Variants in DOP1A observed in about 807,000 individuals in gnomAD.
DOP1A encodes DOP1 leucine zipper like protein A, also known as protein DOP1A.
Under a neutral mutation model 267.6 loss-of-function variants are expected in DOP1A, and 90 were observed. The ratio of observed to expected loss-of-function variants is 0.34; its 90% CI spans 0.28 to 0.40. The LOEUF is 0.40. Among genes scored for constraint, DOP1A ranks in the 10% least tolerant of loss-of-function variants. DOP1A has a pLI of 1.00. For synonymous variants in DOP1A, 932 were observed against 999.1 expected, an observed-to-expected ratio of 0.93 and a Z score of 1.27; for missense variants, 2,437 against 2,900.4, an observed-to-expected ratio of 0.84 and a Z score of 3.67.
chr6:83,088,486 G>C (rs780666468), intron 1 of DOP1A, among the ~76,000 whole-genome samples: 1 of 145,370 alleles, frequency 6.9e-6, no homozygotes, highest in Non-Finnish European at 1.5e-5. Flanking sequence ...GCAGTGGCGC[G>C]ATCTCAGCTC....
chr6:83,168,382 A>T lies in DOP1A; in HGVS notation c.*215A>T, dbSNP rs1322553407. On this transcript the variant is annotated 3_prime_UTR_variant, in exon 39 of 39. Transcript: ENST00000349129. ...TCATACTGATTATGGTGCCTAAGAG[A>T]GCTATATATATACACATGTAAAGTC... 12 of 1,355,962 alleles carry T rather than the reference A, an allele frequency of 8.8e-6. No individual in the cohort carries two copies. Among genetic ancestry groups the T allele is most frequent in the Non-Finnish European group, 1.0e-5 (11 of 1,055,978 alleles). The allele number at this position is 1,355,962 out of a possible 1,614,324, so 84.0% of individuals were successfully genotyped here. A position where few individuals can be genotyped will look rare whatever the true frequency, so the allele number is the denominator to read the frequency against.
chr6:83,105,830 A>G (rs1310796025), intron 4 of DOP1A, among the ~76,000 whole-genome samples: 2 of 152,230 alleles, frequency 1.3e-5, no homozygotes, highest in South Asian at 2.1e-4. Context: ...CAAGATTTAC[A>G]TAATTCATGC....
chr6:83,148,370 C>T lies in DOP1A; in HGVS notation c.5733-389C>T, dbSNP rs527635067. 9.0e-4 allele frequency among the ~76,000 whole-genome samples: 137 copies of T among 151,948 alleles called. 1 individual carries two copies. The highest frequency in any genetic ancestry group is 3.0e-3 in the African/African-American group (126 of 41,434). ...TGGAGGCTGCGGTGAGCCGAGATCG[C>T]GCTACTGTGCTCCAGCCTGGGCAAC... On this transcript the variant is annotated intron_variant, in intron 26 of 38. Transcript: ENST00000349129.
intron 1 of DOP1A, among the ~76,000 whole-genome samples, chr6:83,068,791 G>A (rs1383792371): frequency 6.6e-6 from 1 of 152,202 alleles, no homozygotes; most frequent in African/African-American, 2.4e-5. Context: ...CAGTGATTTA[G>A]GTGGGCCGAC....
chr6:83,115,538 C>T (rs540772346), intron 7 of DOP1A, among the ~76,000 whole-genome samples: 4 of 152,080 alleles, frequency 2.6e-5, no homozygotes, highest in East Asian at 3.9e-4. Flanking sequence ...CTGGCTAACA[C>T]GGTGAAACCC....
intron 25 of DOP1A, 150 bp downstream of exon 25, chr6:83,145,808 A>G (rs1023355369): frequency 3.0e-5 from 21 of 691,402 alleles, no homozygotes; most frequent in African/African-American, 5.5e-5. Context: ...AATCAAAACA[A>G]TTATCAATAT....
At chr6:83,169,049 A>G, downstream of DOP1A, 3 of 1,377,338 alleles carry the variant, frequency 2.2e-6, no homozygotes, top group South Asian at 1.8e-5. Context: ...TTCTTTAACA[A>G]GTGTAAGGCT....
intron 11 of DOP1A, 45 bp from the exon 12 acceptor site, chr6:83,122,818 A>G: frequency 7.3e-7 from 1 of 1,361,158 alleles, no homozygotes; most frequent in Non-Finnish European, 9.7e-7. Context: ...TGAAAAAACA[A>G]ATGTTAATAT....
intron 1 of DOP1A, among the ~76,000 whole-genome samples, chr6:83,070,013 T>C (rs959755728): frequency 6.6e-6 from 1 of 152,232 alleles, no homozygotes; most frequent in African/African-American, 2.4e-5. Context: ...TAAATTGCTT[T>C]ACAAACAGGA....
At chr6:83,144,356 TC>T (rs1780130271) in intron 24 of DOP1A, among the ~76,000 whole-genome samples, 1 of 151,770 alleles carries the variant, frequency 6.6e-6, no homozygotes, top group African/African-American at 2.4e-5. Context: ...CAGAAATGTC[TC>T]AAGGAAAAAA....
At chr6:83,076,205 T>C (rs1331850071) in intron 1 of DOP1A, among the ~76,000 whole-genome samples, 1 of 152,170 alleles carries the variant, frequency 6.6e-6, no homozygotes, top group Non-Finnish European at 1.5e-5. Context: ...CCAAAGATGA[T>C]ATATAAATGG....
intron 9 of DOP1A, 35 bp downstream of exon 9, chr6:83,119,892 C>T (rs971165787): frequency 1.9e-6 from 3 of 1,538,938 alleles, no homozygotes; most frequent in Non-Finnish European, 2.7e-6. Flanking sequence ...TGGTTACTTA[C>T]TGACCACTAG....
chr6:83,166,330 G>T, intron 38 of DOP1A: 1 of 668,842 alleles, frequency 1.5e-6, no homozygotes, highest in South Asian at 1.7e-5. Flanking sequence ...CCGATGACTG[G>T]CCACTGCACT....
At chr6:83,166,012 C>G (rs1377494385) in intron 38 of DOP1A, 2 of 299,342 alleles carry the variant, frequency 6.7e-6, no homozygotes, top group Admixed American at 8.1e-5. Context: ...GAGCTTCTTT[C>G]AGTCCAGCCA....
chr6:83,160,056 T>C (rs1393031735), intron 37 of DOP1A, 96 bp downstream of exon 37: 13 of 1,178,792 alleles, frequency 1.1e-5, no homozygotes, highest in Non-Finnish European at 6.0e-6. Context: ...TTTGTGTAAG[T>C]TGAAATATTC....
chr6:83,165,258 G>T (rs1394719069), intron 38 of DOP1A: 1 of 152,534 alleles, frequency 6.6e-6, no homozygotes, highest in Non-Finnish European at 1.5e-5. Context: ...AAGAAAGAAA[G>T]AAAGTTTTAT....
intron 38 of DOP1A, chr6:83,166,829 G>A (rs761754362): frequency 9.9e-7 from 1 of 1,009,216 alleles, no homozygotes. Flanking sequence ...AAGTTTCTGA[G>A]CAACATCTGA....
Position 83,153,537 on chromosome 6 carries a change from T to C in DOP1A, c.6156T>C (p.Val2052=). The change falls in exon 31 of 39, where the codon GTT becomes GTC. Residue 2052 remains valine, a synonymous_variant. Coordinates refer to ENST00000349129, the MANE Select transcript of DOP1A (RefSeq NM_015018.4). ...SEVLAHLLDM[V]FYSDEKERVI... The stretch of plus-strand genomic sequence containing the variant: ...TTTTGGCTCATCTTTTGGATATGGT[T>C]TTCTATAGTGATGAAAAGGAGCGGG... 1 of 1,608,158 alleles carries C rather than the reference T, an allele frequency of 6.2e-7. No homozygotes were observed. Among genetic ancestry groups the C allele is most frequent in the Non-Finnish European group, 8.5e-7 (1 of 1,177,698 alleles).
chr6:83,136,060 A>G (rs1482658947), intron 20 of DOP1A, among the ~76,000 whole-genome samples, 182 bp downstream of exon 20: 2 of 152,170 alleles, frequency 1.3e-5, no homozygotes, highest in African/African-American at 2.4e-5. Flanking sequence ...GTCAATGACC[A>G]TCTTAGAGGA....
Sources: allele counts gnomAD v4.1 joint callset (sites outside exome capture counted in the v4.1 genomes callset), GRCh38; gene constraint gnomAD v4.1.1; transcripts MANE v1.5; gene names NCBI Gene and HGNC (gene_info 2026-07-23, HGNC 2026-07-21).